The following MCU variants were observed in gnomAD, a reference collection of about 807,000 sequenced individuals.
The protein encoded by MCU is calcium uniporter protein, mitochondrial.
A neutral mutation model predicts 45.2 loss-of-function variants in MCU; 12 were observed. The observed-to-expected ratio is 0.27, with a 90% CI of 0.17 to 0.43. MCU has a LOEUF of 0.43. Ranked by LOEUF, MCU falls within the 20% of genes least tolerant of loss-of-function variation. The probability of loss-of-function intolerance (pLI) is 1.00; values close to 1 mark genes in which losing one functional copy is unlikely to be tolerated. For missense variants in MCU, 324 were observed against 436.7 expected (o/e 0.74, Z 2.30); for synonymous variants, 160 against 165.1 (o/e 0.97, Z 0.24).
chr10:72,829,838 G>A (rs535049902), intron 1 of MCU, among the ~76,000 whole-genome samples: 1 of 152,260 alleles, frequency 6.6e-6, no homozygotes, highest in African/African-American at 2.4e-5. Context: ...AAAAAGGCAA[G>A]AGCAAAATAA....
intron 1 of MCU, among the ~76,000 whole-genome samples, chr10:72,705,568 A>G (rs1842808917): frequency 6.6e-6 from 1 of 152,234 alleles, no homozygotes; most frequent in Non-Finnish European, 1.5e-5. Flanking sequence ...CTGTAATCCC[A>G]GCACTTTGGG....
chr10:72,693,058 GC>G, intron 1 of MCU: 2 of 1,536,172 alleles, frequency 1.3e-6, no homozygotes, highest in South Asian at 2.4e-5. Flanking sequence ...CACAGGAGAA[GC>G]GAATATGGTA....
intron 1 of MCU, among the ~76,000 whole-genome samples, chr10:72,813,007 C>T (rs994831471): frequency 6.6e-6 from 1 of 152,156 alleles, no homozygotes; most frequent in Non-Finnish European, 1.5e-5. Flanking sequence ...CATTAAATAA[C>T]ATGAGGGTTC....
chr10:72,873,780 T>A (rs933255303), intron 6 of MCU, among the ~76,000 whole-genome samples: 11 of 152,214 alleles, frequency 7.2e-5, no homozygotes, highest in Admixed American at 2.0e-4. Flanking sequence ...TGATTTTTTG[T>A]ATGGAGAGAG....
At chr10:72,734,011 T>C (rs1000047285) in intron 1 of MCU, among the ~76,000 whole-genome samples, 4 of 151,982 alleles carry the variant, frequency 2.6e-5, no homozygotes, top group African/African-American at 9.7e-5. Context: ...CTCCTCAGAG[T>C]AAATAATAAT....
chr10:72,749,263 C>T (rs528304152), intron 1 of MCU, among the ~76,000 whole-genome samples: 96 of 152,062 alleles, frequency 6.3e-4, no homozygotes, highest in South Asian at 2.1e-3. Context: ...TCATCCTGGA[C>T]GACTGAGTGA....
chr10:72,784,835 A>G (rs973906225), intron 1 of MCU, among the ~76,000 whole-genome samples: 1 of 152,098 alleles, frequency 6.6e-6, no homozygotes, highest in African/African-American at 2.4e-5. Flanking sequence ...TACCAAGAGT[A>G]TTTTGGGAAA....
intron 1 of MCU, among the ~76,000 whole-genome samples, chr10:72,708,574 C>A (rs1386475188): frequency 1.3e-5 from 2 of 152,134 alleles, no homozygotes; most frequent in African/African-American, 4.8e-5. Flanking sequence ...GTGTCAGTAA[C>A]ATAGACATTC....
chr10:72,778,448 C>T (rs919280248), intron 1 of MCU, among the ~76,000 whole-genome samples: 1 of 152,066 alleles, frequency 6.6e-6, no homozygotes, highest in African/African-American at 2.4e-5. Context: ...CACATCTTCT[C>T]ATTCATATGT....
At chr10:72,743,751 C>T (rs1843370240) in intron 1 of MCU, among the ~76,000 whole-genome samples, 1 of 152,092 alleles carries the variant, frequency 6.6e-6, no homozygotes, top group Non-Finnish European at 1.5e-5. Context: ...GGAAGAGTGG[C>T]TATGAGGAAG....
intron 6 of MCU, among the ~76,000 whole-genome samples, chr10:72,879,364 GA>G (rs1254523762): frequency 6.6e-5 from 10 of 152,140 alleles, no homozygotes; most frequent in Non-Finnish European, 1.5e-4. Context: ...GCCAAAGAGA[GA>G]AAAAAGTTTG....
At chr10:72,712,139 C>T (rs1358282257) in intron 1 of MCU, among the ~76,000 whole-genome samples, 4 of 152,082 alleles carry the variant, frequency 2.6e-5, no homozygotes, top group African/African-American at 7.2e-5. Context: ...TATATTTAAA[C>T]CTCTGTTAAC....
intron 1 of MCU, among the ~76,000 whole-genome samples, chr10:72,710,994 A>C (rs1842885897): frequency 6.6e-6 from 1 of 152,016 alleles, no homozygotes; most frequent in African/African-American, 2.4e-5. Flanking sequence ...CCTGGCCAAC[A>C]TCATGAAACC....
In MCU at chr10:72,876,960, C is replaced by T. The variant is rs114092014; in HGVS notation, c.861+5380C>T. Among the ~76,000 whole-genome samples, 431 of 143,458 alleles carry T rather than the reference C, an allele frequency of 3.0e-3. 2 individuals are homozygous for T. Among genetic ancestry groups the T allele is most frequent in the African/African-American group, 0.01 (405 of 39,376 alleles). The allele number at this position is 143,458 out of a possible 152,430, so 94.1% of individuals were successfully genotyped here. ...TTTTTGAGACAGGGTTTTACTCTGT[C>T]TCCTAGGCTAGAATGCAGTGGCATA... On this transcript the variant is annotated intron_variant, in intron 6 of 7. Transcript: ENST00000373053.
chr10:72,755,748 A>C (rs1237782887), intron 1 of MCU, among the ~76,000 whole-genome samples: 3 of 152,028 alleles, frequency 2.0e-5, no homozygotes, highest in Admixed American at 6.6e-5. Context: ...CATCTCTTCA[A>C]CCCTTGTTGT....
intron 1 of MCU, among the ~76,000 whole-genome samples, chr10:72,769,467 T>C (rs1026625610): frequency 1.3e-5 from 2 of 152,186 alleles, no homozygotes; most frequent in African/African-American, 4.8e-5. Context: ...TGTTTGTTTT[T>C]TGAGACAAGA....
intron 1 of MCU, among the ~76,000 whole-genome samples, chr10:72,794,489 A>G (rs1844215059): frequency 6.6e-6 from 1 of 152,322 alleles, no homozygotes; most frequent in South Asian, 2.1e-4. Flanking sequence ...TCTGCATAAA[A>G]GTAGCCTGTT....
intron 1 of MCU, among the ~76,000 whole-genome samples, chr10:72,728,064 C>G (rs983770167): frequency 3.3e-5 from 5 of 152,102 alleles, no homozygotes; most frequent in Admixed American, 3.3e-4. Flanking sequence ...GGTATTAGAA[C>G]TTTTAACTGT....
intron 1 of MCU, among the ~76,000 whole-genome samples, chr10:72,697,638 G>A (rs1414408874): frequency 6.6e-6 from 1 of 151,772 alleles, no homozygotes; most frequent in Non-Finnish European, 1.5e-5. Flanking sequence ...GTTTCACCAT[G>A]TTGGACAGGC....
Sources: allele counts gnomAD v4.1 joint callset (sites outside exome capture counted in the v4.1 genomes callset), GRCh38; gene constraint gnomAD v4.1.1; transcripts MANE v1.5; gene names NCBI Gene and HGNC (gene_info 2026-07-23, HGNC 2026-07-21).